The following PRR16 variants were observed in gnomAD, a reference collection of about 807,000 sequenced individuals.
PRR16 encodes protein Largen.
PRR16 carries 6 observed loss-of-function variants against 18.2 expected under a neutral mutation model. The observed-to-expected ratio is 0.33, with a 90% CI of 0.18 to 0.65. The LOEUF (loss-of-function observed/expected upper bound fraction) is 0.65. Among genes scored for constraint, PRR16 ranks in the 30% least tolerant of loss-of-function variants. The pLI is 0.74. For synonymous variants in PRR16, 151 were observed against 147.8 expected (o/e 1.02, Z -0.16); for missense variants, 412 against 376.6 (o/e 1.09, Z -0.78).
the PRR16 span, among the ~76,000 whole-genome samples, chr5:120,692,679 T>C: frequency 6.6e-6 from 1 of 152,210 alleles, no homozygotes; most frequent in Non-Finnish European, 1.5e-5. Flanking sequence ...TTTTATAGAC[T>C]CTTGAAGACT....
the PRR16 span, among the ~76,000 whole-genome samples, chr5:120,709,875 T>G: frequency 6.6e-6 from 1 of 152,248 alleles, no homozygotes. Flanking sequence ...TCTTTATAAA[T>G]TTATCCATGA....
At position 120,595,062 on chromosome 5, in the gene PRR16, C is replaced by T. The variant is rs532387345; in HGVS notation, c.160-90892C>T. Among the ~76,000 whole-genome samples the T allele has an allele frequency of 1.0e-3, 154 of 151,506 alleles. 1 individual carries two copies. Among genetic ancestry groups the T allele is most frequent in the Admixed American group, 4.4e-3 (67 of 15,186 alleles). On this transcript the variant is annotated intron_variant, in intron 1 of 1. Transcript: ENST00000407149. ...ATAGGAACTGGTATAGGCATCATGA[C>T]GAAGGACCAAGTTGCCAAAAGCAAT...
chr5:120,582,956 A>C (rs1375963996), intron 1 of PRR16, among the ~76,000 whole-genome samples: 1 of 152,190 alleles, frequency 6.6e-6, no homozygotes, highest in African/African-American at 2.4e-5. Flanking sequence ...CTCAGCTGGA[A>C]GTCTCAAATA....
chr5:120,572,577 A>G (rs992304624), intron 1 of PRR16, among the ~76,000 whole-genome samples: 9 of 152,102 alleles, frequency 5.9e-5, no homozygotes, highest in African/African-American at 1.9e-4. Flanking sequence ...GAGATGAGGA[A>G]AGAGCTTTGA....
At chr5:120,478,953 G>A (rs1459996799) in intron 1 of PRR16, among the ~76,000 whole-genome samples, 1 of 151,900 alleles carries the variant, frequency 6.6e-6, no homozygotes, top group Non-Finnish European at 1.5e-5. Context: ...TAAGTTTTAA[G>A]CACTCTACTT....
the PRR16 span, among the ~76,000 whole-genome samples, chr5:120,706,231 C>T: frequency 6.6e-6 from 1 of 152,156 alleles, no homozygotes; most frequent in Admixed American, 6.5e-5. Context: ...ATGGACTTCA[C>T]GATTTTACCT....
At chr5:120,623,008 A>T (rs1192415816) in intron 1 of PRR16, among the ~76,000 whole-genome samples, 1 of 152,176 alleles carries the variant, frequency 6.6e-6, no homozygotes. Context: ...GGATTAATTT[A>T]TGAATTTTTT....
chr5:120,519,387 G>C (rs900165904), intron 1 of PRR16, among the ~76,000 whole-genome samples: 8 of 152,088 alleles, frequency 5.3e-5, no homozygotes, highest in African/African-American at 1.9e-4. Flanking sequence ...AAGAATGCTA[G>C]CTTCTTAGAC....
At chr5:120,713,409 C>T in the PRR16 span, among the ~76,000 whole-genome samples, 230 of 152,048 alleles carry the variant, frequency 1.5e-3, 1 homozygote, top group African/African-American at 4.7e-3. Flanking sequence ...TTTTCAGGTA[C>T]ACAGAAGAAT....
chr5:120,556,148 C>T (rs998553722), intron 1 of PRR16, among the ~76,000 whole-genome samples: 2 of 150,564 alleles, frequency 1.3e-5, no homozygotes, highest in Non-Finnish European at 3.0e-5. Context: ...TTTTGAAGTC[C>T]AAAGAGAAAC....
intron 1 of PRR16, among the ~76,000 whole-genome samples, chr5:120,664,537 C>A (rs4501367): frequency 0.99 from 149,698 of 151,344 alleles, 74,053 homozygotes; most frequent in East Asian, 1. Context: ...TACATGTGTC[C>A]TGTTGGTGTG....
the PRR16 span, among the ~76,000 whole-genome samples, chr5:120,700,611 G>C: frequency 6.6e-6 from 1 of 151,968 alleles, no homozygotes; most frequent in African/African-American, 2.4e-5. Context: ...GTGCTTAAAA[G>C]AGTATTGTCC....
chr5:120,467,975 C>T (rs1749157102), intron 1 of PRR16, among the ~76,000 whole-genome samples: 1 of 152,114 alleles, frequency 6.6e-6, no homozygotes, highest in African/African-American at 2.4e-5. Context: ...TTTCTGGTCT[C>T]AGTGAGCTCC....
At chr5:120,687,383 A>T (rs1757157065), downstream of PRR16, 1 of 152,236 alleles carries the variant, frequency 6.6e-6, no homozygotes, top group Non-Finnish European at 1.5e-5. Flanking sequence ...TATGGGCAGC[A>T]AATCTGACAG....
chr5:120,486,964 T>C (rs1476443154), intron 1 of PRR16, among the ~76,000 whole-genome samples: 1 of 152,284 alleles, frequency 6.6e-6, no homozygotes, highest in East Asian at 1.9e-4. Flanking sequence ...TGTAGATATG[T>C]GGCATTATTT....
the PRR16 span, among the ~76,000 whole-genome samples, chr5:120,739,483 T>A: frequency 6.6e-6 from 1 of 152,178 alleles, no homozygotes; most frequent in Admixed American, 6.5e-5. Context: ...ACAGTTGCCA[T>A]GTCTGAGCTG....
At chr5:120,710,431 G>A in the PRR16 span, among the ~76,000 whole-genome samples, 1 of 152,034 alleles carries the variant, frequency 6.6e-6, no homozygotes, top group Non-Finnish European at 1.5e-5. Flanking sequence ...CATTATGGGG[G>A]CATGTGACAA....
chr5:120,773,992 ATAAAGT>A, the PRR16 span, among the ~76,000 whole-genome samples: 612 of 152,266 alleles, frequency 4.0e-3, 2 homozygotes, highest in African/African-American at 0.014. Context: ...ACAAAACTTG[ATAAAGT>A]TAATGTGTTT....
intron 1 of PRR16, among the ~76,000 whole-genome samples, chr5:120,596,140 CTT>C (rs70985229): frequency 0.8 from 116,475 of 145,496 alleles, 46,807 homozygotes; most frequent in East Asian, 0.91. Flanking sequence ...TATCTCTTGT[CTT>C]TTTTTTTTTT....
Sources: gnomAD v4.1 joint callset for allele counts (sites outside exome capture counted in the v4.1 genomes callset) on GRCh38, gnomAD v4.1.1 for gene constraint, MANE v1.5 for transcripts, NCBI Gene and HGNC (gene_info 2026-07-23, HGNC 2026-07-21) for gene names.